The following TMEM181 variants were observed in gnomAD, a reference collection of about 807,000 sequenced individuals.
TMEM181 encodes the protein G protein-coupled receptor 178.
TMEM181 carries 39 observed loss-of-function variants against 71.9 expected under a neutral mutation model. The observed-to-expected ratio is 0.54, with a 90% CI of 0.42 to 0.71. TMEM181 has a LOEUF of 0.71. TMEM181 is among the 30% of genes least tolerant of loss of function. TMEM181 has a pLI of 0.00. For synonymous variants in TMEM181, 245 were observed against 228.8 expected (o/e 1.07, Z -0.64); for missense variants, 595 against 583.0 (o/e 1.02, Z -0.21).
chr6:158,608,525 C>CT (rs1333722649), intron 9 of TMEM181, 62 bp downstream of exon 9: 6 of 1,612,296 alleles, frequency 3.7e-6, no homozygotes, highest in Non-Finnish European at 5.1e-6. Flanking sequence ...CTCCCGAACT[C>CT]TGAGGACAGC....
intron 5 of TMEM181, among the ~76,000 whole-genome samples, chr6:158,587,219 A>G (rs892582796): frequency 6.6e-6 from 1 of 152,214 alleles, no homozygotes; most frequent in African/African-American, 2.4e-5. Flanking sequence ...CTTTGCTTCA[A>G]GCAGGGCCAG....
intron 10 of TMEM181, among the ~76,000 whole-genome samples, chr6:158,616,390 A>G (rs973773982): frequency 1.2e-4 from 18 of 152,184 alleles, no homozygotes; most frequent in Non-Finnish European, 2.6e-4. Context: ...TTGGGCTGAG[A>G]CGATGGGGTT....
At chr6:158,607,397 A>G in intron 8 of TMEM181, 54 bp downstream of exon 8, 1 of 1,538,036 alleles carries the variant, frequency 6.5e-7, no homozygotes, top group Non-Finnish European at 9.0e-7. Context: ...GTAAAGCTGG[A>G]GGCCAGGTGC....
chr6:158,558,407 T>G (rs1363045828), upstream of TMEM181, among the ~76,000 whole-genome samples: 1 of 152,248 alleles, frequency 6.6e-6, no homozygotes, highest in Non-Finnish European at 1.5e-5. Context: ...TTAAAGATCC[T>G]AAGTAGCTTT....
rs779775116 is a variant in TMEM181, at chr6:158,573,532, C to T, written c.112+9C>T. 7.0e-5 allele frequency: 112 copies of T among 1,594,900 alleles called. 1 individual carries two copies. Among genetic ancestry groups the T allele is most frequent in the Middle Eastern group, 3.3e-4 (2 of 6,064 alleles). ...CTTCGTTGGGATCAGAGGTAAGGTT[C>T]GGTTTTTACTCATTGAATCTTTTGC... On this transcript the variant is annotated intron_variant, in intron 2 of 16. Coordinates refer to ENST00000684151, the MANE Select transcript of TMEM181 (RefSeq NM_001376852.1).
chr6:158,603,625 C>G (rs1784790716), intron 6 of TMEM181, among the ~76,000 whole-genome samples: 1 of 140,302 alleles, frequency 7.1e-6, no homozygotes, highest in Admixed American at 7.3e-5. Flanking sequence ...TTTTAGATAG[C>G]TTCTATTGCT....
intron 1 of TMEM181, among the ~76,000 whole-genome samples, chr6:158,563,374 C>T (rs899137767): frequency 6.6e-6 from 1 of 152,178 alleles, no homozygotes; most frequent in African/African-American, 2.4e-5. Flanking sequence ...GAACTCCTGA[C>T]CTCAGGTGAT....
chr6:158,551,285 T>C (rs1562615663), intron 1 of TMEM181, among the ~76,000 whole-genome samples: 1 of 152,198 alleles, frequency 6.6e-6, no homozygotes, highest in Non-Finnish European at 1.5e-5. Context: ...ATGCAATTAA[T>C]TTTTGTTCTG....
chr6:158,594,120 T>TTTTTTTTC (rs1554309324), intron 6 of TMEM181, among the ~76,000 whole-genome samples: 1 of 139,662 alleles, frequency 7.2e-6, no homozygotes, highest in Non-Finnish European at 1.5e-5. Context: ...TTTTTTTTTT[T>TTTTTTTTC]CTGAGACAGA....
intron 1 of TMEM181, among the ~76,000 whole-genome samples, chr6:158,568,764 C>A (rs1782650833): frequency 6.6e-6 from 1 of 152,140 alleles, no homozygotes; most frequent in African/African-American, 2.4e-5. Flanking sequence ...TCTGAAGCGA[C>A]TGGGGACTCC....
At chr6:158,542,186 T>A (rs1231289065) in intron 1 of TMEM181, among the ~76,000 whole-genome samples, 2 of 152,124 alleles carry the variant, frequency 1.3e-5, no homozygotes. Context: ...GGATTACAAG[T>A]GTGAGCCACT....
chr6:158,565,818 T>TG (rs1450696279), intron 1 of TMEM181, among the ~76,000 whole-genome samples: 1 of 151,606 alleles, frequency 6.6e-6, no homozygotes, highest in East Asian at 1.9e-4. Context: ...TGCGGGCGAG[T>TG]GGACAGTTGC....
At chr6:158,550,325 G>GT (rs1379946692) in intron 1 of TMEM181, among the ~76,000 whole-genome samples, 2 of 151,528 alleles carry the variant, frequency 1.3e-5, no homozygotes, top group East Asian at 4.0e-4. Flanking sequence ...GATCACAGGC[G>GT]TGAGCCACCA....
At chr6:158,569,736 G>A (rs1333854577) in intron 1 of TMEM181, among the ~76,000 whole-genome samples, 1 of 152,112 alleles carries the variant, frequency 6.6e-6, no homozygotes, top group Non-Finnish European at 1.5e-5. Flanking sequence ...AAGTAGCTGG[G>A]ATTATAGGCA....
chr6:158,628,302 T>C, intron 13 of TMEM181, 106 bp from the exon 14 acceptor site: 1 of 1,008,238 alleles, frequency 9.9e-7, no homozygotes, highest in South Asian at 1.3e-5. Context: ...GCAGAAATCA[T>C]AGTGTACAGA....
At chr6:158,576,419 C>T (rs1783157225) in intron 2 of TMEM181, among the ~76,000 whole-genome samples, 1 of 152,122 alleles carries the variant, frequency 6.6e-6, no homozygotes, top group Admixed American at 6.6e-5. Context: ...TCAATTGTTG[C>T]AAGCCCCTCC....
chr6:158,624,496 G>A (rs950625613), intron 11 of TMEM181, among the ~76,000 whole-genome samples: 5 of 152,238 alleles, frequency 3.3e-5, no homozygotes, highest in South Asian at 4.1e-4. Flanking sequence ...TGTCCACCCC[G>A]CGGCCTGGCC....
Position 158,589,785 on chromosome 6 carries a change from A to T in TMEM181, c.492+3A>T. On this transcript the variant is annotated splice_donor_region_variant and intron_variant, in intron 6 of 16. Transcript: ENST00000684151. ...CCATCAAGGGAATGAACTTCACAGTAAGTATACCAGCTGACTGCACGTTTC... is the reference window on the plus strand; with the variant it reads ...CCATCAAGGGAATGAACTTCACAGTTAGTATACCAGCTGACTGCACGTTTC... 6.3e-7 allele frequency: 1 copy of T among 1,598,780 alleles called. No individual in the cohort carries two copies. Among genetic ancestry groups the T allele is most frequent in the South Asian group, 1.1e-5 (1 of 90,692 alleles).
intron 2 of TMEM181, 111 bp downstream of exon 2, chr6:158,573,634 G>A (rs748177393): frequency 1.8e-4 from 157 of 892,990 alleles, no homozygotes; most frequent in African/African-American, 1.3e-3. Context: ...GGGCCCCAGC[G>A]TGGAGGGAGA....
Sources: gnomAD v4.1 joint callset for allele counts (sites outside exome capture counted in the v4.1 genomes callset) on GRCh38, gnomAD v4.1.1 for gene constraint, MANE v1.5 for transcripts, NCBI Gene and HGNC (gene_info 2026-07-23, HGNC 2026-07-21) for gene names.